Variants in PAX8 observed in about 807,000 individuals in gnomAD.
PAX8 encodes paired box 8, also known as paired box protein Pax-8.
PAX8 carries 15 observed loss-of-function variants against 52.4 expected under a neutral mutation model. The ratio of observed to expected loss-of-function variants is 0.29; its 90% CI spans 0.19 to 0.44. The LOEUF is 0.44. Ranked by LOEUF, PAX8 falls within the 20% of genes least tolerant of loss-of-function variation. The probability of loss-of-function intolerance (pLI) is 1.00; values close to 1 mark genes in which losing one functional copy is unlikely to be tolerated. For missense variants in PAX8, 554 were observed against 602.5 expected, an observed-to-expected ratio of 0.92 and a Z score of 0.84; for synonymous variants, 284 against 249.7, an observed-to-expected ratio of 1.14 and a Z score of -1.29.
intron 1 of PAX8, 122 bp downstream of exon 1, chr2:113,278,709 C>T: frequency 1.6e-6 from 1 of 636,082 alleles, no homozygotes; most frequent in Non-Finnish European, 2.5e-6. Flanking sequence ...CCTCCGCTGT[C>T]CCAGTCTTAT....
intron 4 of PAX8, 30 bp from the exon 5 acceptor site, chr2:113,242,808 G>C: frequency 7.8e-6 from 12 of 1,546,040 alleles, no homozygotes; most frequent in African/African-American, 1.4e-5. Flanking sequence ...GGCCATGAGA[G>C]AGAAGAGGAG....
At position 113,251,685 on chromosome 2, in the gene PAX8, G is replaced by T. The variant is rs188503863; in HGVS notation, c.26-4766C>A. The stretch of plus-strand genomic sequence containing the variant: ...TTCAGGGAGGTCTTAGGACTTTGTT[G>T]GTAATTTCTTCATCCTTTATAGAGC... On this transcript the variant is annotated intron_variant, in intron 2 of 11. Transcript: ENST00000429538. 7.7e-4 allele frequency among the ~76,000 whole-genome samples: 117 copies of T among 152,286 alleles called. 2 individuals carry two copies. Among genetic ancestry groups the T allele is most frequent in the Admixed American group, 7.5e-3 (114 of 15,300 alleles).
At chr2:113,271,447 G>T (rs912452032) in intron 2 of PAX8, 2 of 152,086 alleles carry the variant, frequency 1.3e-5, no homozygotes, top group Non-Finnish European at 2.9e-5. Context: ...TTTCCAAGTG[G>T]CTGATCATCT....
At position 113,241,543 on chromosome 2, in the gene PAX8, C is replaced by T. The variant is rs1422483891; in HGVS notation, c.777+8G>A. ...ACCCTGTTCACCTCCCAGGGCCCAGCTTCTCACCTGCTCGCCTTTGGTGTG... is the reference window on the plus strand; with the variant it reads ...ACCCTGTTCACCTCCCAGGGCCCAGTTTCTCACCTGCTCGCCTTTGGTGTG... On this transcript the variant is annotated splice_region_variant and intron_variant, in intron 7 of 11. Transcript: ENST00000429538. 3 of 1,602,602 alleles carry T rather than the reference C, an allele frequency of 1.9e-6. No homozygotes were observed. In the South Asian group the frequency reaches 3.3e-5, roughly 18 times the overall value.
chr2:113,277,331 C>T (rs960181190), intron 2 of PAX8, among the ~76,000 whole-genome samples: 9 of 152,216 alleles, frequency 5.9e-5, no homozygotes, highest in Admixed American at 3.9e-4. Context: ...CCGCAGAGCC[C>T]GGGCCCCCGC....
intron 2 of PAX8, among the ~76,000 whole-genome samples, chr2:113,250,317 A>G (rs1451147832): frequency 6.6e-6 from 1 of 151,476 alleles, no homozygotes; most frequent in East Asian, 1.9e-4. Flanking sequence ...AGAAGTGTTT[A>G]TTTAGATAAA....
Position 113,278,432 on chromosome 2 carries a change from G to C in PAX8, c.-38C>G. On this transcript the variant is annotated 5_prime_UTR_variant, in exon 2 of 12. Transcript: ENST00000429538. ...GCTCGCAGCCCGCCGAGGGCTCGGG[G>C]CTTCCTCCCGTAGGTCCGGGCCGCG... 3 of 1,609,694 alleles carry C rather than the reference G, an allele frequency of 1.9e-6. No individual in the cohort carries two copies. The highest frequency in any genetic ancestry group is 2.5e-6 in the Non-Finnish European group (3 of 1,178,690).
chr2:113,246,786 G>A lies in PAX8; in HGVS notation c.159C>T (p.Val53=). 6.2e-7 allele frequency: 1 copy of A among 1,613,788 alleles called. No homozygotes were observed. The highest frequency in any genetic ancestry group is 8.5e-7 in the Non-Finnish European group (1 of 1,179,710). The change falls in exon 3 of 12, where the codon GTC becomes GTT. Residue 53 remains valine (V), a synonymous_variant. Coordinates refer to ENST00000429538, the MANE Select transcript of PAX8 (RefSeq NM_003466.4). ...GGATCTTGCTGACGCAGCCATGGCT[G>A]ACGCGGAGCTGGCGAGAGATGTCGC... ...RPCDISRQLR[V]SHGCVSKILG... is the part of the protein sequence containing the mutation.
At chr2:113,231,196 C>G (rs1196644675) in intron 9 of PAX8, among the ~76,000 whole-genome samples, 1 of 152,156 alleles carries the variant, frequency 6.6e-6, no homozygotes, top group Non-Finnish European at 1.5e-5. Flanking sequence ...TTTGGCAGAA[C>G]TAAATATAAT....
chr2:113,221,887 G>C (rs966062008), intron 10 of PAX8, among the ~76,000 whole-genome samples: 5 of 152,048 alleles, frequency 3.3e-5, no homozygotes, highest in African/African-American at 7.2e-5. Flanking sequence ...AAGTTCCTTA[G>C]GGGCAGAGAC....
intron 9 of PAX8, 177 bp downstream of exon 9, chr2:113,235,217 A>C: frequency 6.8e-6 from 4 of 586,196 alleles, no homozygotes; most frequent in Non-Finnish European, 1.2e-5. Context: ...CCTTCCGAGC[A>C]TGTCTTCCCC....
intron 2 of PAX8, among the ~76,000 whole-genome samples, chr2:113,254,091 A>G (rs1457663062): frequency 1.3e-5 from 2 of 152,192 alleles, no homozygotes; most frequent in African/African-American, 4.8e-5. Context: ...TTCTCTGCAT[A>G]TGGAATACTC....
chr2:113,230,400 G>A (rs945385959), intron 9 of PAX8: 3 of 152,296 alleles, frequency 2.0e-5, no homozygotes, highest in Admixed American at 6.5e-5. Context: ...ATGGTCCAGA[G>A]GTGCCCCCAC....
At chr2:113,257,040 C>T (rs1450244785) in intron 2 of PAX8, among the ~76,000 whole-genome samples, 1 of 151,962 alleles carries the variant, frequency 6.6e-6, no homozygotes, top group African/African-American at 2.4e-5. Flanking sequence ...GGGTCTCTGC[C>T]CTCTTGGAGG....
In PAX8 at chr2:113,241,972, G is replaced by T. The variant is rs370911075; in HGVS notation, c.601+36C>A. The T allele has an allele frequency of 3.1e-6, 5 of 1,610,698 alleles. No homozygotes were observed. In the Admixed American group the frequency reaches 5.0e-5, roughly 16 times the overall value. On this transcript the variant is annotated intron_variant, in intron 6 of 11. Coordinates refer to ENST00000429538, the MANE Select transcript of PAX8 (RefSeq NM_003466.4). Reference sequence around the variant, plus strand: ...ATCAAAGCCTGAGCAAACTGCTCTCGTGCACCGCCCGCTGCCCTCCTGTCC... The same window carrying T: ...ATCAAAGCCTGAGCAAACTGCTCTCTTGCACCGCCCGCTGCCCTCCTGTCC...
intron 7 of PAX8, 157 bp downstream of exon 7, chr2:113,241,394 A>G (rs1558712220): frequency 1.3e-6 from 1 of 758,350 alleles, no homozygotes; most frequent in South Asian, 1.5e-5. Flanking sequence ...CATCTGGTAA[A>G]ATAAAGCATG....
At chr2:113,225,886 A>C (rs1689536818) in intron 10 of PAX8, 2 of 984,906 alleles carry the variant, frequency 2.0e-6, no homozygotes, top group African/African-American at 3.5e-5. Flanking sequence ...CTCTTAAAAA[A>C]ATAACCGAAT....
intron 9 of PAX8, 146 bp downstream of exon 9, chr2:113,235,248 G>T: frequency 1.5e-6 from 1 of 659,396 alleles, no homozygotes; most frequent in Non-Finnish European, 2.5e-6. Flanking sequence ...ACTTCATGTT[G>T]GCGCCTCCAA....
chr2:113,234,983 C>T (rs1451552821), intron 9 of PAX8, among the ~76,000 whole-genome samples: 1 of 152,230 alleles, frequency 6.6e-6, no homozygotes, highest in African/African-American at 2.4e-5. Context: ...ATCATGGAAA[C>T]ACAACTGGGA....
Sources: allele counts gnomAD v4.1 joint callset (sites outside exome capture counted in the v4.1 genomes callset), GRCh38; gene constraint gnomAD v4.1.1; transcripts MANE v1.5; gene names NCBI Gene and HGNC (gene_info 2026-07-23, HGNC 2026-07-21).